The following TMPRSS15 variants were observed in gnomAD, a reference collection of about 807,000 sequenced individuals.
TMPRSS15 encodes the protein enteropeptidase.
A neutral mutation model predicts 125.3 loss-of-function variants in TMPRSS15; 128 were observed. The ratio of observed to expected loss-of-function variants is 1.02; its 90% CI spans 0.89 to 1.18. TMPRSS15 has a LOEUF of 1.18. TMPRSS15 is among the 50% of genes most tolerant of loss of function. TMPRSS15 has a pLI of 0.00. For missense variants in TMPRSS15, 1,283 were observed against 1,212.7 expected, an observed-to-expected ratio of 1.06 and a Z score of -0.86; for synonymous variants, 446 against 423.2, an observed-to-expected ratio of 1.05 and a Z score of -0.66.
chr21:18,354,647 A>G (rs551672902), intron 8 of TMPRSS15, among the ~76,000 whole-genome samples: 3 of 151,944 alleles, frequency 2.0e-5, no homozygotes, highest in African/African-American at 7.2e-5. Flanking sequence ...ATATACCCAC[A>G]GTCCACGAAC....
At position 18,372,269 on chromosome 21, in the gene TMPRSS15, C is replaced by T. The variant is rs141311532; in HGVS notation, c.588G>A (p.Thr196=). 4.3e-5 allele frequency: 69 copies of T among 1,613,076 alleles called. No individual in the cohort carries two copies. Among genetic ancestry groups the T allele is most frequent in the African/African-American group, 6.7e-5 (5 of 74,832 alleles). ...CACAAAATAAATCAGCTTTTATACACGTTAGAGCATCAGTACAAGGACTTG... is the reference window on the plus strand; with the variant it reads ...CACAAAATAAATCAGCTTTTATACATGTTAGAGCATCAGTACAAGGACTTG... ...PGSSPCTDAL[T]CIKADLFCDG... is the part of the protein sequence containing the mutation. The change falls in exon 6 of 25, where the codon ACG becomes ACA. Residue 196 remains threonine (T), a synonymous_variant. Transcript: ENST00000284885.
chr21:18,400,674 G>T (rs1406876397), intron 1 of TMPRSS15, among the ~76,000 whole-genome samples: 3 of 152,138 alleles, frequency 2.0e-5, no homozygotes, highest in Admixed American at 2.0e-4. Flanking sequence ...GCTTGGCAGA[G>T]AATTTAGGAC....
rs1474161324 is a variant in TMPRSS15 at position 18,353,051 on chromosome 21, A to T, written c.1023T>A (p.Asn341Lys). The change falls in exon 10 of 25, where the codon AAT becomes AAA. Residue 341 changes from asparagine to lysine, a missense_variant and splice_region_variant. Physicochemically the swap from Asn to Lys is moderately conservative, Grantham distance 94. Coordinates refer to ENST00000284885, the MANE Select transcript of TMPRSS15 (RefSeq NM_002772.3). ...YTAFNSSELN[N>K]YEKINCNFED... Reference sequence around the variant, plus strand: ...CAAAGTTACAATTAATTTTCTCATAATCTGTGAATGAAAAAAAAGAAGGAA... The same window carrying T: ...CAAAGTTACAATTAATTTTCTCATATTCTGTGAATGAAAAAAAAGAAGGAA... 2 of 1,608,836 alleles carry T rather than the reference A, an allele frequency of 1.2e-6. No individual in the cohort carries two copies. The highest frequency in any genetic ancestry group is 2.7e-5 in the African/African-American group (2 of 74,582).
intron 18 of TMPRSS15, among the ~76,000 whole-genome samples, chr21:18,302,573 T>G (rs949341452): frequency 9.9e-5 from 15 of 152,224 alleles, no homozygotes; most frequent in African/African-American, 3.6e-4. Context: ...CCTTAGGAGT[T>G]GATGGCATTT....
chr21:18,383,956 G>A (rs1450794488), intron 3 of TMPRSS15, among the ~76,000 whole-genome samples, 178 bp from the exon 4 acceptor site: 1 of 152,152 alleles, frequency 6.6e-6, no homozygotes, highest in African/African-American at 2.4e-5. Context: ...AAGAAAAAGT[G>A]AATTGAAAGA....
rs1202341566 is a variant in TMPRSS15, at chr21:18,482,804, A to ACC, written c.10+2993_10+2994dup. 2.6e-5 allele frequency among the ~76,000 whole-genome samples: 4 copies of ACC among 151,712 alleles called. No individual in the cohort carries two copies. The Admixed American group carries it at 2.6e-4, about 10-fold the overall frequency. The stretch of plus-strand genomic sequence containing the variant: ...TAGGAAATCTCAATTCAACTGAAAC[A>ACC]CCTTCTTTCTAACTTATTTTATCTT... On this transcript the variant is annotated intron_variant, in intron 1 of 7. Coordinates refer to the TMPRSS15 transcript ENST00000422787.
chr21:18,392,475 A>T (rs1442857499), intron 3 of TMPRSS15, among the ~76,000 whole-genome samples: 1 of 152,044 alleles, frequency 6.6e-6, no homozygotes, highest in Non-Finnish European at 1.5e-5. Flanking sequence ...GATCACCTCA[A>T]CCTGGACTTC....
intron 18 of TMPRSS15, among the ~76,000 whole-genome samples, chr21:18,304,278 T>A (rs1463217521): frequency 2.0e-5 from 3 of 152,176 alleles, no homozygotes; most frequent in African/African-American, 7.2e-5. Flanking sequence ...TGTGTGTGTA[T>A]CTTTATTTTG....
chr21:18,437,896 A>G (rs1424537451), intron 1 of TMPRSS15, among the ~76,000 whole-genome samples: 1 of 151,924 alleles, frequency 6.6e-6, no homozygotes, highest in Non-Finnish European at 1.5e-5. Context: ...AACTAGTTCA[A>G]CCATTATGGA....
Position 18,294,460 on chromosome 21 carries a change from G to C in TMPRSS15, c.2312-16C>G, listed in dbSNP as rs756618135. The C allele has an allele frequency of 6.2e-6, 10 of 1,613,988 alleles. No individual in the cohort carries two copies. In the African/African-American group the frequency reaches 9.3e-5, roughly 15 times the overall value. ...TTTCCACAAGCTATTAAAATAATTG[G>C]AGAAAGAGCATCTATTTCATTTTTG... On this transcript the variant is annotated splice_polypyrimidine_tract_variant and intron_variant, in intron 20 of 24. Transcript: ENST00000284885.
chr21:18,404,979 T>C (rs1187571552), upstream of TMPRSS15, among the ~76,000 whole-genome samples: 7 of 152,130 alleles, frequency 4.6e-5, no homozygotes, highest in Non-Finnish European at 1.0e-4. Context: ...TTATTTTATT[T>C]ATATTCTAGG....
chr21:18,399,724 G>A (rs184578260), intron 1 of TMPRSS15, among the ~76,000 whole-genome samples: 5 of 152,210 alleles, frequency 3.3e-5, no homozygotes, highest in Admixed American at 1.3e-4. Flanking sequence ...ATCCAAGGAA[G>A]CTGGGTTATA....
chr21:18,315,288 A>G lies in TMPRSS15; in HGVS notation c.1922-32T>C, dbSNP rs766791060. 1.4e-5 allele frequency: 21 copies of G among 1,552,304 alleles called. No homozygotes were observed. The South Asian group carries it at 2.0e-4, about 15-fold the overall frequency. ...GGAAAGAATGTTTATTGTATAGGAT[A>G]AAGAAAACACAAATGGATGATTCTG... is the stretch of plus-strand genomic sequence containing the variant. On this transcript the variant is annotated intron_variant, in intron 16 of 24. Transcript: ENST00000284885.
At chr21:18,336,191 T>C (rs1237496568) in intron 13 of TMPRSS15, among the ~76,000 whole-genome samples, 1 of 152,152 alleles carries the variant, frequency 6.6e-6, no homozygotes, top group African/African-American at 2.4e-5. Context: ...GAGCCTAGCT[T>C]TCATCTACAA....
At chr21:18,292,587 G>A (rs1022969897) in intron 21 of TMPRSS15, among the ~76,000 whole-genome samples, 15 of 152,158 alleles carry the variant, frequency 9.9e-5, no homozygotes, top group African/African-American at 3.6e-4. Flanking sequence ...ATTACTGCGA[G>A]CCTGATTGAT....
At chr21:18,444,321 G>A (rs970384708) in intron 1 of TMPRSS15, among the ~76,000 whole-genome samples, 1 of 152,152 alleles carries the variant, frequency 6.6e-6, no homozygotes, top group Non-Finnish European at 1.5e-5. Flanking sequence ...GGATTATTTC[G>A]TGTCCTTTAC....
intron 1 of TMPRSS15, among the ~76,000 whole-genome samples, chr21:18,418,999 A>G (rs2123186956): frequency 6.6e-6 from 1 of 152,280 alleles, no homozygotes; most frequent in South Asian, 2.1e-4. Context: ...CAGGGGGAAA[A>G]ATCACTCAGT....
chr21:18,453,198 T>C (rs1245264276), intron 1 of TMPRSS15, among the ~76,000 whole-genome samples: 1 of 152,228 alleles, frequency 6.6e-6, no homozygotes, highest in Non-Finnish European at 1.5e-5. Flanking sequence ...CCCTCTAAGT[T>C]GAAAACTACC....
chr21:18,373,287 G>C (rs1279010973), intron 5 of TMPRSS15, among the ~76,000 whole-genome samples: 1 of 151,990 alleles, frequency 6.6e-6, no homozygotes, highest in Admixed American at 6.6e-5. Flanking sequence ...TTTTTGCTGA[G>C]TCTACATACA....
Sources: gnomAD v4.1 joint callset for allele counts (sites outside exome capture counted in the v4.1 genomes callset) on GRCh38, gnomAD v4.1.1 for gene constraint, MANE v1.5 for transcripts, NCBI Gene and HGNC (gene_info 2026-07-23, HGNC 2026-07-21) for gene names.